Variants in SP140 observed in about 807,000 individuals in gnomAD.
SP140 encodes the protein SP140 nuclear body protein.
In SP140, 81 loss-of-function variants were observed where a neutral mutation model predicts 125.0. That is an observed-to-expected ratio of 0.65 (90% CI 0.54 to 0.78). The LOEUF is 0.78. Among genes scored for constraint, SP140 ranks in the 30% least tolerant of loss-of-function variants. The probability of loss-of-function intolerance (pLI) is 0.00; values close to 1 mark genes in which losing one functional copy is unlikely to be tolerated. For missense variants in SP140, 858 were observed against 1,037.0 expected, an observed-to-expected ratio of 0.83 and a Z score of 2.37; for synonymous variants, 312 against 354.0, an observed-to-expected ratio of 0.88 and a Z score of 1.33.
At chr2:230,214,624 C>T (rs1474962077) in intron 3 of SP140, among the ~76,000 whole-genome samples, 1 of 152,226 alleles carries the variant, frequency 6.6e-6, no homozygotes, top group Non-Finnish European at 1.5e-5. Flanking sequence ...CTTGTCCTTC[C>T]ACCAGACCTG....
At chr2:230,284,651 A>G (rs1415852642) in intron 16 of SP140, among the ~76,000 whole-genome samples, 1 of 152,214 alleles carries the variant, frequency 6.6e-6, no homozygotes, top group Non-Finnish European at 1.5e-5. Flanking sequence ...CATCCTCAGT[A>G]TGACTTTCTT....
intron 22 of SP140, among the ~76,000 whole-genome samples, chr2:230,300,901 A>G (rs1485718554): frequency 6.6e-6 from 1 of 152,234 alleles, no homozygotes; most frequent in East Asian, 1.9e-4. Flanking sequence ...AATTAAAATA[A>G]TAATACAGGA....
chr2:230,210,000 C>T, intron 1 of SP140: 1 of 1,593,510 alleles, frequency 6.3e-7, no homozygotes, highest in East Asian at 2.2e-5. Context: ...GGAGAATTAT[C>T]TCTTATCTCT....
At chr2:230,204,751 G>C (rs367595759) in intron 1 of SP140, among the ~76,000 whole-genome samples, 2 of 152,098 alleles carry the variant, frequency 1.3e-5, no homozygotes, top group African/African-American at 4.8e-5. Flanking sequence ...AGAAATTATG[G>C]GACCAGCTTG....
chr2:230,297,102 A>G (rs2057807115), intron 21 of SP140, among the ~76,000 whole-genome samples: 1 of 152,256 alleles, frequency 6.6e-6, no homozygotes, highest in Non-Finnish European at 1.5e-5. Flanking sequence ...CAGCCCAGAC[A>G]GTGAGGCCAA....
upstream of SP140, among the ~76,000 whole-genome samples, chr2:230,222,170 C>T (rs532245688): frequency 6.7e-6 from 1 of 148,422 alleles, no homozygotes; most frequent in East Asian, 2.0e-4. Context: ...CTGGAGGTTG[C>T]AGTGAGCTGA....
the SP140 span, among the ~76,000 whole-genome samples, chr2:230,187,036 T>G: frequency 2.6e-5 from 4 of 152,214 alleles, no homozygotes; most frequent in African/African-American, 9.7e-5. Context: ...GGTTGCTGGA[T>G]GGAATGGTAG....
In SP140 at chr2:230,211,547, C is replaced by A. The variant is rs199743367; in HGVS notation, c.-322-2107C>A. 1.6e-5 allele frequency: 26 copies of A among 1,602,268 alleles called. No individual in the cohort carries two copies. The highest frequency in any genetic ancestry group is 2.2e-5 in the Non-Finnish European group (26 of 1,169,368). On this transcript the variant is annotated intron_variant, in intron 1 of 4. Coordinates refer to the SP140 transcript ENST00000456542. This position sits in a 1 kb window ranked among gnomAD's most constrained non-coding sequence, Gnocchi z 4.2. ...TCTTATTTGGGGGATCAGGTTGTCA[C>A]TGGCCACTGAATGGAGGAAGAAAAA... is the stretch of plus-strand genomic sequence containing the variant.
In SP140 at chr2:230,217,011, C is replaced by T. The variant is rs568345162; in HGVS notation, c.-91+2937C>T. The T allele has an allele frequency of 2.7e-4, 316 of 1,168,942 alleles. No homozygotes were observed. The African/African-American group carries it at 4.3e-3, about 16-fold the overall frequency. 72.4% of individuals were successfully genotyped at this position (1,168,942 alleles called of 1,614,324 possible). A position where few individuals can be genotyped will look rare whatever the true frequency, so the allele number is the denominator to read the frequency against. On this transcript the variant is annotated intron_variant, in intron 3 of 4. Transcript: ENST00000456542. ...CTGTAATCCCGGCACTTTGGGAGGC[C>T]GAGGTGGGTGGATCACCTGAGGTCA...
chr2:230,266,201 ATAT>A (rs2053103690), intron 12 of SP140, among the ~76,000 whole-genome samples: 1 of 152,156 alleles, frequency 6.6e-6, no homozygotes, highest in Non-Finnish European at 1.5e-5. Flanking sequence ...TCTTTATATA[ATAT>A]TATTTCCTCA....
the SP140 span, among the ~76,000 whole-genome samples, chr2:230,189,869 G>A: frequency 6.6e-6 from 1 of 152,142 alleles, no homozygotes; most frequent in East Asian, 1.9e-4. Flanking sequence ...CAAAGGACAT[G>A]ATCTTATTAC....
intron 3 of SP140, chr2:230,216,828 A>G: frequency 6.2e-7 from 1 of 1,614,122 alleles, no homozygotes. Context: ...AGGCCTTCAA[A>G]GAAGGGAAAT....
In SP140 at chr2:230,292,797, A is replaced by C; in HGVS notation, c.1968+9A>C. On this transcript the variant is annotated intron_variant, in intron 20 of 26. Coordinates refer to ENST00000392045, the MANE Select transcript of SP140 (RefSeq NM_007237.5). ...TACGATGGCTGATGGAGGTATTCCAATGACAAGGGGCCAGGCCTGTGTTCC... is the reference window on the plus strand; with the variant it reads ...TACGATGGCTGATGGAGGTATTCCACTGACAAGGGGCCAGGCCTGTGTTCC... 1 of 1,613,716 alleles carries C rather than the reference A, an allele frequency of 6.2e-7. No individual in the cohort carries two copies. Among genetic ancestry groups the C allele is most frequent in the Non-Finnish European group, 8.5e-7 (1 of 1,179,932 alleles).
intron 16 of SP140, among the ~76,000 whole-genome samples, chr2:230,285,393 G>A (rs993230279): frequency 1.3e-5 from 2 of 152,154 alleles, no homozygotes; most frequent in African/African-American, 4.8e-5. Flanking sequence ...CTGGTTGGTG[G>A]ATGTGACAGC....
At chr2:230,289,320 T>C (rs2056848500) in intron 18 of SP140, among the ~76,000 whole-genome samples, 1 of 152,234 alleles carries the variant, frequency 6.6e-6, no homozygotes, top group Non-Finnish European at 1.5e-5. Context: ...GTTGTTTTTT[T>C]CTTGTAAATT....
Position 230,269,420 on chromosome 2 carries a change from A to G in SP140, c.1241-112A>G, listed in dbSNP as rs2053601417. 5.5e-6 allele frequency: 4 copies of G among 722,934 alleles called. No homozygotes were observed. In the South Asian group the frequency reaches 6.4e-5, roughly 12 times the overall value. The allele number at this position is 722,934 out of a possible 1,614,324, so 44.8% of individuals were successfully genotyped here. A position where few individuals can be genotyped will look rare whatever the true frequency, so the allele number is the denominator to read the frequency against. ...TTGGAGCAGGTATATTTTTTTCCAG[A>G]GAACAGTTCATCTTAGCTCAGAATA... On this transcript the variant is annotated intron_variant, in intron 12 of 26. Transcript: ENST00000392045.
intron 3 of SP140, chr2:230,220,061 G>C: frequency 1.0e-6 from 1 of 985,590 alleles, no homozygotes; most frequent in Admixed American, 6.1e-5. Flanking sequence ...CAAGCCGGAA[G>C]CTGAAGGCAG....
At chr2:230,306,471 T>C (rs1032233906) in intron 22 of SP140, among the ~76,000 whole-genome samples, 4 of 152,160 alleles carry the variant, frequency 2.6e-5, no homozygotes, top group Non-Finnish European at 5.9e-5. Context: ...GGGCAGGAGC[T>C]CGCCATGCGC....
chr2:230,212,664 T>C (rs754491339), intron 1 of SP140: 3 of 1,486,876 alleles, frequency 2.0e-6, no homozygotes, highest in Non-Finnish European at 2.8e-6. Flanking sequence ...AGAGAAGAAC[T>C]AGGACAATAA....
Sources: gnomAD v4.1 joint callset for allele counts (sites outside exome capture counted in the v4.1 genomes callset) on GRCh38, gnomAD v4.1.1 for gene constraint, Gnocchi (gnomAD v3.1) non-coding constraint, MANE v1.5 for transcripts, NCBI Gene and HGNC (gene_info 2026-07-23, HGNC 2026-07-21) for gene names.